The following TP53INP1 variants were observed in gnomAD, a reference collection of about 807,000 sequenced individuals.
The protein encoded by TP53INP1 is tumor protein p53-inducible nuclear protein 1.
TP53INP1 carries 12 observed loss-of-function variants against 21.0 expected under a neutral mutation model. The ratio of observed to expected loss-of-function variants is 0.57; its 90% CI spans 0.37 to 0.93. TP53INP1 has a LOEUF of 0.93. Ranked by LOEUF, TP53INP1 falls within the 40% of genes least tolerant of loss-of-function variation. TP53INP1 has a pLI of 0.01. For synonymous variants in TP53INP1, 91 were observed against 94.8 expected (o/e 0.96, Z 0.23); for missense variants, 274 against 294.7 (o/e 0.93, Z 0.51).
chr8:94,945,745 C>T (rs1821926643), intron 1 of TP53INP1: 1 of 152,208 alleles, frequency 6.6e-6, no homozygotes, highest in African/African-American at 2.4e-5. Context: ...AGAGGACAAA[C>T]TTACAAATAC....
chr8:94,935,746 C>T (rs564329478), intron 3 of TP53INP1, among the ~76,000 whole-genome samples: 1 of 152,224 alleles, frequency 6.6e-6, no homozygotes, highest in Admixed American at 6.5e-5. Context: ...GATTGGAGAA[C>T]ATAAAAATGC....
At chr8:94,931,769 C>A (rs1820425579) in intron 3 of TP53INP1, among the ~76,000 whole-genome samples, 1 of 152,008 alleles carries the variant, frequency 6.6e-6, no homozygotes, top group South Asian at 2.1e-4. Context: ...TAATAGAGTT[C>A]AAGACCAGCC....
rs1554630442 is a variant in TP53INP1 at position 94,933,834 on chromosome 8, T to TTG, written c.474-3107_474-3106insCA. On this transcript the variant is annotated intron_variant, in intron 3 of 3. Coordinates refer to ENST00000342697, the MANE Select transcript of TP53INP1 (RefSeq NM_033285.4). ...TCATGCCTGTAATCCCAGCACTTTG[T>TTG]GGGGGGGGGGGGAGGATCACGAGGT... 5.9e-4 allele frequency among the ~76,000 whole-genome samples: 35 copies of TTG among 59,028 alleles called. 3 individuals carry two copies. The highest frequency in any genetic ancestry group is 9.2e-4 in the East Asian group (2 of 2,180). 38.7% of individuals were successfully genotyped at this position (59,028 alleles called of 152,430 possible).
rs1198824004 is a variant in TP53INP1, at chr8:94,940,080, G to C, written c.253C>G (p.Leu85Val). ...TCCATTGGACATGACTCAAACTGGAGAAAGCAGGAATCACTTGTATCAGCC... is the reference window on the plus strand; with the variant it reads ...TCCATTGGACATGACTCAAACTGGACAAAGCAGGAATCACTTGTATCAGCC... ...CLADTSDSCF[L>V]QFESCPMEES... is the part of the protein sequence containing the mutation. The change falls in exon 3 of 4, where the codon CTC (leucine) becomes GTC (valine). Residue 85 changes from leucine (L) to valine (V), a missense_variant. Coordinates refer to ENST00000342697, the MANE Select transcript of TP53INP1 (RefSeq NM_033285.4). 6.2e-7 allele frequency: 1 copy of C among 1,614,214 alleles called. No individual in the cohort carries two copies. The highest frequency in any genetic ancestry group is 1.3e-5 in the African/African-American group (1 of 75,052).
chr8:94,944,211 G>A (rs991567052), intron 1 of TP53INP1, among the ~76,000 whole-genome samples: 10 of 152,176 alleles, frequency 6.6e-5, no homozygotes, highest in Non-Finnish European at 1.5e-4. Flanking sequence ...CCACTGGGAG[G>A]GGAGAACCAC....
chr8:94,941,670 A>G (rs1335607496), intron 1 of TP53INP1, among the ~76,000 whole-genome samples: 1 of 152,230 alleles, frequency 6.6e-6, no homozygotes, highest in Admixed American at 6.5e-5. Context: ...GGCCAAACCT[A>G]GAACTGGAAA....
At chr8:94,946,439 G>A (rs1407005455) in intron 1 of TP53INP1, among the ~76,000 whole-genome samples, 1 of 151,900 alleles carries the variant, frequency 6.6e-6, no homozygotes, top group African/African-American at 2.4e-5. Context: ...AGTGGCTCAT[G>A]TCTATAATCC....
At chr8:94,934,982 C>T (rs192286891) in intron 3 of TP53INP1, among the ~76,000 whole-genome samples, 153 of 152,108 alleles carry the variant, frequency 1.0e-3, no homozygotes, top group African/African-American at 3.3e-3. Flanking sequence ...TGTTTAGCCT[C>T]ATAAAAAATC....
intron 1 of TP53INP1, among the ~76,000 whole-genome samples, chr8:94,944,482 G>T (rs1474025789): frequency 6.6e-6 from 1 of 152,198 alleles, no homozygotes; most frequent in Admixed American, 6.5e-5. Context: ...CTTCTCTGGA[G>T]GAGCTTTCTA....
At chr8:94,940,445 CTGTGTGTGTG>C (rs60473555) in intron 2 of TP53INP1, among the ~76,000 whole-genome samples, 24 of 150,358 alleles carry the variant, frequency 1.6e-4, no homozygotes, top group Admixed American at 7.9e-4. Context: ...CACAGAAATT[CTGTGTGTGTG>C]TGTGTGTGTG....
intron 1 of TP53INP1, among the ~76,000 whole-genome samples, chr8:94,942,386 C>T (rs1220819731): frequency 6.6e-6 from 1 of 152,048 alleles, no homozygotes; most frequent in Non-Finnish European, 1.5e-5. Context: ...CACCAAGTCC[C>T]GTCAACCCCA....
At chr8:94,944,552 TC>T (rs1019024950) in intron 1 of TP53INP1, among the ~76,000 whole-genome samples, 40 of 152,196 alleles carry the variant, frequency 2.6e-4, no homozygotes, top group Non-Finnish European at 5.3e-4. Context: ...CCTCCAGATG[TC>T]CCATATCTCT....
In TP53INP1 at chr8:94,946,696, C is replaced by CAAAAAAAAAAAAAAAAAA. The variant is rs71273438; in HGVS notation, c.-151+2440_-151+2457dup. ...TGGTCAACAGAGTAAGACCCTGTCT[C>CAAAAAAAAAAAAAAAAAA]AAAAAAAAAAAAAAAAAAAAAAAAG... On this transcript the variant is annotated intron_variant, in intron 1 of 3. Coordinates refer to ENST00000342697, the MANE Select transcript of TP53INP1 (RefSeq NM_033285.4). 1.2e-3 allele frequency among the ~76,000 whole-genome samples: 43 copies of CAAAAAAAAAAAAAAAAAA among 34,692 alleles called. 3 individuals carry two copies. The highest frequency in any genetic ancestry group is 2.9e-3 in the African/African-American group (31 of 10,592). The allele number at this position is 34,692 out of a possible 152,430, so 22.8% of individuals were successfully genotyped here.
At chr8:94,946,546 A>C (rs1235047658) in intron 1 of TP53INP1, among the ~76,000 whole-genome samples, 1 of 151,608 alleles carries the variant, frequency 6.6e-6, no homozygotes, top group Admixed American at 6.6e-5. Flanking sequence ...ACAAAAAATA[A>C]ATTAGCTGGG....
rs1408645657 is a variant in TP53INP1 at position 94,930,612 on chromosome 8, T to G, written c.590A>C (p.Glu197Ala). 1.1e-5 allele frequency: 17 copies of G among 1,614,140 alleles called. No individual in the cohort carries two copies. The South Asian group carries it at 1.9e-4, about 18-fold the overall frequency. ...GTTAAGAGGCTGTCTTTCACTGTGT[T>G]CTTTTATCCACTGGGAAGGGCGAAA... ...KSFRPSQWIK[E>A]HSERQPLNRN... Residue 197 changes from glutamate (E) to alanine (A), a missense_variant, in exon 4 of 4, where the codon GAA becomes GCA. Glu to Ala is a moderately radical substitution (Grantham distance 107, BLOSUM62 -1). Transcript: ENST00000342697.
At chr8:94,942,669 G>GT (rs1821658587) in intron 1 of TP53INP1, among the ~76,000 whole-genome samples, 2 of 152,234 alleles carry the variant, frequency 1.3e-5, no homozygotes, top group Admixed American at 6.5e-5. Flanking sequence ...CCTCCCACAA[G>GT]TTTAACAATC....
chr8:94,941,065 G>A lies in TP53INP1; in HGVS notation c.-124C>T. On this transcript the variant is annotated 5_prime_UTR_variant, in exon 2 of 4. Coordinates refer to ENST00000342697, the MANE Select transcript of TP53INP1 (RefSeq NM_033285.4). ...GTGCACAGGGTGCTTATTCAACTTA[G>A]GTGAAAAGCAAGAAGAGTCATTGTA... The A allele has an allele frequency of 1.2e-5, 8 of 658,280 alleles. No individual in the cohort carries two copies. Among genetic ancestry groups the A allele is most frequent in the East Asian group, 2.7e-5 (1 of 37,088 alleles). The allele number at this position is 658,280 out of a possible 1,614,324, so 40.8% of individuals were successfully genotyped here.
chr8:94,937,416 G>A (rs1438513318), intron 3 of TP53INP1, among the ~76,000 whole-genome samples: 2 of 150,852 alleles, frequency 1.3e-5, no homozygotes, highest in Non-Finnish European at 2.9e-5. Context: ...ACTCCAGCCT[G>A]GGTGACACAG....
At chr8:94,943,386 G>A (rs1246331427) in intron 1 of TP53INP1, among the ~76,000 whole-genome samples, 2 of 152,164 alleles carry the variant, frequency 1.3e-5, no homozygotes, top group Non-Finnish European at 2.9e-5. Context: ...CTACTTGGGA[G>A]GCTGACGTGG....
Sources: allele counts gnomAD v4.1 joint callset (sites outside exome capture counted in the v4.1 genomes callset), GRCh38; gene constraint gnomAD v4.1.1; transcripts MANE v1.5; gene names NCBI Gene and HGNC (gene_info 2026-07-23, HGNC 2026-07-21).